Variants in KCNAB2 observed in about 807,000 individuals in gnomAD.
KCNAB2 encodes voltage-gated potassium channel subunit beta-2.
A neutral mutation model predicts 63.6 loss-of-function variants in KCNAB2; 29 were observed. The ratio of observed to expected loss-of-function variants is 0.46; its 90% CI spans 0.34 to 0.62. KCNAB2 has a LOEUF of 0.62. Ranked by LOEUF, KCNAB2 falls within the 20% of genes least tolerant of loss-of-function variation. The pLI, the probability that KCNAB2 is intolerant of heterozygous loss-of-function variation, is 0.01. For missense variants in KCNAB2, 359 were observed against 563.9 expected (o/e 0.64, Z 3.68); for synonymous variants, 222 against 224.2 (o/e 0.99, Z 0.09).
rs1018883874 is a variant in KCNAB2, at chr1:6,096,311, G to A, written c.949-325G>A. On this transcript the variant is annotated intron_variant, in intron 13 of 15. Transcript: ENST00000378083. The surrounding 1 kb of genome is among the most constrained non-coding windows in gnomAD (Gnocchi z 5.9). ...TTCTTCTGGGCCACGGGTGGCAGCC[G>A]AGACCCCAGGCTGCCAAGTTTCCTA... is the stretch of plus-strand genomic sequence containing the variant. 1.7e-5 allele frequency: 7 copies of A among 416,068 alleles called. No individual in the cohort carries two copies. The highest frequency in any genetic ancestry group is 7.2e-4 in the Middle Eastern group (1 of 1,380). 25.8% of individuals were successfully genotyped at this position (416,068 alleles called of 1,614,324 possible). A position where few individuals can be genotyped will look rare whatever the true frequency, so the allele number is the denominator to read the frequency against.
In KCNAB2 at chr1:6,090,363, C is replaced by T. The variant is rs753961342; in HGVS notation, c.515-26C>T. The T allele has an allele frequency of 4.5e-6, 7 of 1,559,778 alleles. No homozygotes were observed. The Admixed American group carries it at 5.0e-5, about 11-fold the overall frequency. On this transcript the variant is annotated intron_variant, in intron 8 of 15. Transcript: ENST00000378083. ...TGTGGAGATGGAGCCACAGCAGTGA[C>T]GCCCCCCCACCTGGTCCTCCCCCAG...
At chr1:6,005,039 G>A (rs60793587) in intron 1 of KCNAB2, among the ~76,000 whole-genome samples, 541 of 38,118 alleles carry the variant, frequency 0.014, 22 homozygotes, top group African/African-American at 0.044. Context: ...GGGACGCGGG[G>A]GCTGAGCTGA....
chr1:6,060,901 C>CA (rs58592769), intron 2 of KCNAB2, among the ~76,000 whole-genome samples: 2,777 of 84,710 alleles, frequency 0.033, 45 homozygotes, highest in East Asian at 0.063. Flanking sequence ...GACTCCGTCT[C>CA]AAAAAAAAAA....
At chr1:6,043,318 C>A (rs1002109924), upstream of KCNAB2, among the ~76,000 whole-genome samples, 1 of 152,142 alleles carries the variant, frequency 6.6e-6, no homozygotes, top group African/African-American at 2.4e-5. Context: ...CAAGGGCCTG[C>A]CCCTAGGAGG....
rs556300665 is a variant in KCNAB2, at chr1:6,015,274, C to A, written c.-53+22486C>A. On this transcript the variant is annotated intron_variant, in intron 1 of 16. Coordinates refer to the KCNAB2 transcript ENST00000341524. ...CGAACTCTTGACCTCCGGTGATCCA[C>A]CCACCTCGGCCTCCCAAAGTGCTCA... 2.0e-5 allele frequency among the ~76,000 whole-genome samples: 3 copies of A among 152,286 alleles called. No homozygotes were observed. The South Asian group carries it at 6.2e-4, about 32-fold the overall frequency.
chr1:6,005,497 C>A (rs576361045), intron 1 of KCNAB2, among the ~76,000 whole-genome samples: 19 of 138,308 alleles, frequency 1.4e-4, no homozygotes, highest in African/African-American at 5.3e-4. Flanking sequence ...GGCCTTGGAG[C>A]ACACCTGGTA....
At chr1:6,005,882 T>C (rs1657643937) in intron 1 of KCNAB2, among the ~76,000 whole-genome samples, 1 of 151,520 alleles carries the variant, frequency 6.6e-6, no homozygotes, top group Non-Finnish European at 1.5e-5. Context: ...TCTGATGTTC[T>C]GATCCATTCC....
Position 6,025,451 on chromosome 1 carries a change from G to A in KCNAB2, c.-52-15066G>A, listed in dbSNP as rs139301200. Among the ~76,000 whole-genome samples, 425 of 152,314 alleles carry A rather than the reference G, an allele frequency of 2.8e-3. 4 individuals are homozygous for A. Among genetic ancestry groups the A allele is most frequent in the African/African-American group, 9.5e-3 (395 of 41,574 alleles). ...CCTGGCCCCAGGCTCAGCAGCTGGCGTAGGAGGGAGGAGGGGCCTCCCCAA... is the reference window on the plus strand; with the variant it reads ...CCTGGCCCCAGGCTCAGCAGCTGGCATAGGAGGGAGGAGGGGCCTCCCCAA... On this transcript the variant is annotated intron_variant, in intron 1 of 16. Coordinates refer to the KCNAB2 transcript ENST00000341524.
At chr1:6,025,987 G>C (rs76110241) in intron 1 of KCNAB2, 1 of 154,590 alleles carries the variant, frequency 6.5e-6, no homozygotes, top group South Asian at 1.7e-4. Flanking sequence ...GCACACTGCT[G>C]GCAGCAGTGA....
rs1461513751 is a variant in KCNAB2, at chr1:6,097,294, C to T, written c.1095C>T (p.Val365=). Residue 365 remains valine (V), a synonymous_variant, in exon 15 of 16, where the codon GTC becomes GTT. Transcript: ENST00000378083. The part of the protein sequence containing the change: ...AIAWCLRNEG[V]SSVLLGASNA... ...CCTGGTGCCTGAGGAATGAGGGAGT[C>T]AGCTCCGTGCTCCTGGGGGCCTCCA... 3 of 1,550,548 alleles carry T rather than the reference C, an allele frequency of 1.9e-6. No homozygotes were observed. The South Asian group carries it at 3.6e-5, about 18-fold the overall frequency.
At chr1:6,046,689 A>C (rs1660955097) in intron 1 of KCNAB2, among the ~76,000 whole-genome samples, 1 of 152,182 alleles carries the variant, frequency 6.6e-6, no homozygotes, top group Admixed American at 6.5e-5. Context: ...GTTTGCACTG[A>C]AGCAATGCCG....
rs41274526 is a variant in KCNAB2, at chr1:5,996,027, C to T, written c.-53+3239C>T. 356 of 152,528 alleles carry T rather than the reference C, an allele frequency of 2.3e-3. 2 individuals are homozygous for T. Among genetic ancestry groups the T allele is most frequent in the Non-Finnish European group, 4.4e-3 (298 of 68,168 alleles). 9.4% of individuals were successfully genotyped at this position (152,528 alleles called of 1,614,324 possible). A position where few individuals can be genotyped will look rare whatever the true frequency, so the allele number is the denominator to read the frequency against. Reference sequence around the variant, plus strand: ...TCGTGGCGTGGGAAGCCCCACACTGCTCTTTCCTTGGTGACGGGTGACCCG... The same window carrying T: ...TCGTGGCGTGGGAAGCCCCACACTGTTCTTTCCTTGGTGACGGGTGACCCG... On this transcript the variant is annotated intron_variant, in intron 1 of 16. Coordinates refer to the KCNAB2 transcript ENST00000341524.
chr1:6,031,499 C>T (rs865965184), upstream of KCNAB2, among the ~76,000 whole-genome samples: 2 of 152,228 alleles, frequency 1.3e-5, no homozygotes, highest in Non-Finnish European at 2.9e-5. The surrounding 1 kb of genome is among the most constrained non-coding windows in gnomAD (Gnocchi z 4.1). Flanking sequence ...GCTGTGCCCC[C>T]GGGAGTTTTG....
chr1:6,099,878 C>G lies in KCNAB2; in HGVS notation c.*1304C>G. The G allele has an allele frequency of 6.5e-7, 1 of 1,550,000 alleles. No individual in the cohort carries two copies. The highest frequency in any genetic ancestry group is 8.7e-7 in the Non-Finnish European group (1 of 1,146,734). On this transcript the variant is annotated 3_prime_UTR_variant, in exon 16 of 16. Coordinates refer to ENST00000378083, the MANE Select transcript of KCNAB2 (RefSeq NM_001199862.2). Reference sequence around the variant, plus strand: ...AGTGACGCCCCCGTGCAGCTTGGGCCGGAGGGCAAGGGATGCCAGTAAGTC... The same window carrying G: ...AGTGACGCCCCCGTGCAGCTTGGGCGGGAGGGCAAGGGATGCCAGTAAGTC...
intron 10 of KCNAB2, among the ~76,000 whole-genome samples, chr1:6,093,562 C>T (rs1253434942): frequency 6.6e-6 from 1 of 152,224 alleles, no homozygotes; most frequent in Non-Finnish European, 1.5e-5. Flanking sequence ...GCGATTTCAT[C>T]CTCAGGGCCT....
In KCNAB2 at chr1:6,065,862, G is replaced by C. The variant is rs533784958; in HGVS notation, c.219-6893G>C. 7.9e-5 allele frequency among the ~76,000 whole-genome samples: 12 copies of C among 152,362 alleles called. No homozygotes were observed. In the East Asian group the frequency reaches 1.9e-3, roughly 24 times the overall value. On this transcript the variant is annotated intron_variant, in intron 2 of 15. Coordinates refer to ENST00000378083, the MANE Select transcript of KCNAB2 (RefSeq NM_001199862.2). ...TCTTCTGTACCTCGGGCCTGGAAAT[G>C]TGACTCCCTCCCTCAGAGCTGTGCA...
chr1:6,007,511 T>TGCGCCTCCTCTGCGCCTCCTCC (rs1657882615), intron 1 of KCNAB2: 1 of 151,510 alleles, frequency 6.6e-6, no homozygotes. Context: ...GCGCCACCTC[T>TGCGCCTCCTCTGCGCCTCCTCC]GCGCCTCCTC....
intron 5 of KCNAB2, among the ~76,000 whole-genome samples, chr1:6,084,600 G>A (rs780182584): frequency 2.0e-5 from 3 of 152,132 alleles, no homozygotes; most frequent in Non-Finnish European, 2.9e-5. Context: ...CGGATCACTC[G>A]AGATGAGGAG....
At chr1:5,999,885 G>A (rs946469258) in intron 1 of KCNAB2, among the ~76,000 whole-genome samples, 12 of 150,042 alleles carry the variant, frequency 8.0e-5, no homozygotes, top group African/African-American at 1.7e-4. Context: ...CGCCCTCTCC[G>A]CACCCTGTCT....
Sources: allele counts gnomAD v4.1 joint callset (sites outside exome capture counted in the v4.1 genomes callset), GRCh38; gene constraint gnomAD v4.1.1; non-coding constraint Gnocchi (gnomAD v3.1); transcripts MANE v1.5; gene names NCBI Gene and HGNC (gene_info 2026-07-23, HGNC 2026-07-21).